Variants in LYST observed in about 807,000 individuals in gnomAD.
LYST encodes the protein lysosomal-trafficking regulator.
In LYST, 192 loss-of-function variants were observed where a neutral mutation model predicts 413.6. The ratio of observed to expected loss-of-function variants is 0.46; its 90% confidence interval spans 0.41 to 0.52. The LOEUF (loss-of-function observed/expected upper bound fraction) is 0.52, where lower values mean the gene tolerates loss of function less well. Ranked by LOEUF, LYST falls within the 20% of genes least tolerant of loss-of-function variation. The pLI is 0.00. For synonymous variants in LYST, 1,525 were observed against 1,567.3 expected (o/e 0.97, Z 0.64); for missense variants, 3,815 against 4,499.9 (o/e 0.85, Z 4.35).
intron 3 of LYST, among the ~76,000 whole-genome samples, chr1:235,824,887 G>A (rs1675162064): frequency 6.6e-6 from 1 of 152,126 alleles, no homozygotes; most frequent in Admixed American, 6.5e-5. Context: ...AGGTGCAGTG[G>A]CAGGTGCCTA....
At chr1:235,680,921 G>C (rs1659765054) in intron 48 of LYST, among the ~76,000 whole-genome samples, 1 of 152,170 alleles carries the variant, frequency 6.6e-6, no homozygotes, top group Non-Finnish European at 1.5e-5. Flanking sequence ...TCATATTACA[G>C]AGAGAGACAG....
rs752284421 is a variant in LYST at position 235,809,474 on chromosome 1, T to C, written c.1344A>G (p.Ala448=). The C allele has an allele frequency of 6.2e-7, 1 of 1,613,924 alleles. No individual in the cohort carries two copies. The highest frequency in any genetic ancestry group is 8.5e-7 in the Non-Finnish European group (1 of 1,179,870). ...QHHGFNLFET[A]VLQMEWLVLR... ...AAACCAGCCATTCCATTTGAAGAAC[T>C]GCTGTTTCAAATAAATTAAATCCAT... The change falls in exon 5 of 53, where the codon GCA becomes GCG. Residue 448 remains alanine (A), a synonymous_variant. Coordinates refer to ENST00000389793, the MANE Select transcript of LYST (RefSeq NM_000081.4). This position sits in a 1 kb window ranked among gnomAD's most constrained non-coding sequence, Gnocchi z 4.0.
chr1:235,764,019 T>A (rs1667856281), intron 21 of LYST, among the ~76,000 whole-genome samples: 1 of 152,164 alleles, frequency 6.6e-6, no homozygotes, highest in African/African-American at 2.4e-5. Flanking sequence ...GAATTACCAC[T>A]ATTTGTCCCT....
chr1:235,841,782 G>A (rs1171792994), intron 1 of LYST, among the ~76,000 whole-genome samples: 2 of 152,062 alleles, frequency 1.3e-5, no homozygotes, highest in Non-Finnish European at 2.9e-5. Context: ...GAAAACAGGT[G>A]GAAGGCCAGA....
chr1:235,733,648 T>C lies in LYST; in HGVS notation c.8656A>G (p.Ile2886Val). ...ACTGCCTGGGTGATATCTGCAGCTATTTTAGATATATCCTTTGATTTTGAA... is the reference window on the plus strand; with the variant it reads ...ACTGCCTGGGTGATATCTGCAGCTACTTTAGATATATCCTTTGATTTTGAA... ...LDSKSKDISKIAADITQAVSL... is the reference protein window; with the variant it reads ...LDSKSKDISKVAADITQAVSL... The change falls in exon 34 of 53, where the codon ATA becomes GTA. Residue 2886 changes from isoleucine to valine, a missense_variant. Physicochemically the swap from Ile to Val is conservative, Grantham distance 29 (BLOSUM62 3). Around this residue, in one of 4 missense-constraint regions of LYST, gnomAD observed 866 missense variants for 1,156.0 expected, o/e 0.75. Transcript: ENST00000389793. 1 of 1,613,664 alleles carries C rather than the reference T, an allele frequency of 6.2e-7. No individual in the cohort carries two copies. The highest frequency in any genetic ancestry group is 8.5e-7 in the Non-Finnish European group (1 of 1,179,672).
chr1:235,827,465 T>C (rs1675455503), intron 3 of LYST: 3 of 982,290 alleles, frequency 3.1e-6, no homozygotes, highest in African/African-American at 1.7e-5. Flanking sequence ...CTCCTATTCA[T>C]GAGAAGCACA....
intron 1 of LYST, among the ~76,000 whole-genome samples, chr1:235,864,116 G>A (rs1363422779): frequency 3.3e-5 from 5 of 151,870 alleles, no homozygotes; most frequent in Non-Finnish European, 5.9e-5. Flanking sequence ...TTCCATCCAC[G>A]ATCCCCACAC....
Position 235,809,612 on chromosome 1 carries a change from A to C in LYST, c.1206T>G (p.Pro402=), listed in dbSNP as rs576433116. The change falls in exon 5 of 53, where the codon CCT becomes CCG. Residue 402 remains proline, a synonymous_variant. Transcript: ENST00000389793. The surrounding 1 kb of genome is among the most constrained non-coding windows in gnomAD (Gnocchi z 4.0). ...SKYRHRALLL[P]ELLEGVLQIL... ...TCTGAAGAACTCCTTCCAAAAGCTCAGGTAAAAGAAGGGCTCTATGACGAT... is the reference window on the plus strand; with the variant it reads ...TCTGAAGAACTCCTTCCAAAAGCTCCGGTAAAAGAAGGGCTCTATGACGAT... 6.2e-7 allele frequency: 1 copy of C among 1,614,036 alleles called. No individual in the cohort carries two copies. Among genetic ancestry groups the C allele is most frequent in the Non-Finnish European group, 8.5e-7 (1 of 1,179,894 alleles).
chr1:235,763,627 C>CTT (rs71174461), intron 21 of LYST, among the ~76,000 whole-genome samples: 33 of 148,100 alleles, frequency 2.2e-4, no homozygotes, highest in East Asian at 2.2e-3. Flanking sequence ...CTTTTTTTTT[C>CTT]TTTTTTTTTT....
At chr1:235,687,129 A>G in intron 47 of LYST, 82 bp from the exon 48 acceptor site, 1 of 973,156 alleles carries the variant, frequency 1.0e-6, no homozygotes, top group South Asian at 1.4e-5. Flanking sequence ...TAAAAGAATG[A>G]AAAATACTTC....
chr1:235,785,251 C>T (rs748737739), intron 14 of LYST, among the ~76,000 whole-genome samples: 31 of 152,142 alleles, frequency 2.0e-4, no homozygotes, highest in African/African-American at 3.4e-4. Flanking sequence ...GTGTCAAACT[C>T]GATATTTTCT....
chr1:235,696,798 C>T (rs577307551), intron 46 of LYST, among the ~76,000 whole-genome samples: 12 of 152,234 alleles, frequency 7.9e-5, no homozygotes, highest in African/African-American at 2.9e-4. Context: ...TGGGGCTCAA[C>T]AGCCTCAAAG....
chr1:235,724,503 G>C (rs1319816863), intron 38 of LYST, among the ~76,000 whole-genome samples: 1 of 152,076 alleles, frequency 6.6e-6, no homozygotes, highest in Non-Finnish European at 1.5e-5. Flanking sequence ...TTTGGTGTGG[G>C]ACACTAATTA....
At chr1:235,859,224 T>C (rs1181455269) in intron 1 of LYST, among the ~76,000 whole-genome samples, 1 of 152,224 alleles carries the variant, frequency 6.6e-6, no homozygotes, top group Non-Finnish European at 1.5e-5. Flanking sequence ...CTCCTGGACC[T>C]GACTCTTCCA....
chr1:235,745,189 CA>C (rs1264794099), intron 29 of LYST, among the ~76,000 whole-genome samples: 2 of 152,244 alleles, frequency 1.3e-5, no homozygotes, highest in Non-Finnish European at 2.9e-5. Context: ...AGCTAGTTAA[CA>C]TATCTATCAC....
chr1:235,839,038 T>C (rs954120086), intron 1 of LYST, among the ~76,000 whole-genome samples: 1 of 152,090 alleles, frequency 6.6e-6, no homozygotes, highest in African/African-American at 2.4e-5. Flanking sequence ...TTGTCCAGGC[T>C]GGTCTCGAAC....
At position 235,702,776 on chromosome 1, in the gene LYST, G is replaced by A. The variant is rs754616030; in HGVS notation, c.10345C>T (p.Arg3449Ter). 2.5e-6 allele frequency: 4 copies of A among 1,614,066 alleles called. No homozygotes were observed. Among genetic ancestry groups the A allele is most frequent in the East Asian group, 2.2e-5 (1 of 44,876 alleles). The change falls in exon 45 of 53, where the codon CGA (arginine) becomes TGA (stop). Residue 3449 changes from arginine (R) to a stop codon, truncating the protein, a stop_gained. Transcript: ENST00000389793. LOFTEE classifies it high-confidence loss of function. ...TAGGTGATTTCTTTGACCTGTTCTC[G>A]GGTCTCCCTGAAAGCAAACTGCACT... ...LLVQFAFRET[R>*]EQVKEITYPS...
intron 48 of LYST, among the ~76,000 whole-genome samples, chr1:235,681,755 C>T (rs867153496): frequency 3.9e-5 from 6 of 152,230 alleles, no homozygotes; most frequent in African/African-American, 1.4e-4. Context: ...GGCCTTTCTT[C>T]CTTCTCTCAT....
At chr1:235,691,838 C>T (rs1191588775) in intron 47 of LYST, among the ~76,000 whole-genome samples, 1 of 151,382 alleles carries the variant, frequency 6.6e-6, no homozygotes, top group African/African-American at 2.4e-5. Flanking sequence ...CTGGGATTTA[C>T]AGGTGCCCAC....
Sources: gnomAD v4.1 joint callset for allele counts (sites outside exome capture counted in the v4.1 genomes callset) on GRCh38, gnomAD v4.1.1 for gene constraint, gnomAD v4.1.1 regional missense constraint, Gnocchi (gnomAD v3.1) non-coding constraint, MANE v1.5 for transcripts, NCBI Gene and HGNC (gene_info 2026-07-23, HGNC 2026-07-21) for gene names.